The following SAMD12 variants were observed in gnomAD, a reference collection of about 807,000 sequenced individuals.
SAMD12 encodes the protein sterile alpha motif domain containing 12.
A neutral mutation model predicts 15.0 loss-of-function variants in SAMD12; 9 were observed. That is an observed-to-expected ratio of 0.60 (90% CI 0.36 to 1.05). The LOEUF (loss-of-function observed/expected upper bound fraction) is 1.05. Among genes scored for constraint, SAMD12 ranks in the 50% least tolerant of loss-of-function variants. The pLI is 0.01. For missense variants in SAMD12, 230 were observed against 234.2 expected (o/e 0.98, Z 0.12); for synonymous variants, 86 against 90.1 (o/e 0.96, Z 0.25).
chr8:118,288,289 T>A lies in SAMD12; in HGVS notation c.434-90557A>T, dbSNP rs535900079. ...TGAAATAACATGCCAAAGGTCACAG[T>A]GTCTAGTGGAGCTGGGGCCAAATTC... is the stretch of plus-strand genomic sequence containing the variant. On this transcript the variant is annotated intron_variant, in intron 4 of 4. Transcript: ENST00000409003. The A allele has an allele frequency of 7.2e-5, 11 of 152,286 alleles. No individual in the cohort carries two copies. The East Asian group carries it at 1.4e-3, about 19-fold the overall frequency. The allele number at this position is 152,286 out of a possible 1,614,324, so 9.4% of individuals were successfully genotyped here. A position where few individuals can be genotyped will look rare whatever the true frequency, so the allele number is the denominator to read the frequency against.
At chr8:118,282,411 C>A in intron 4 of SAMD12, 1 of 453,578 alleles carries the variant, frequency 2.2e-6, no homozygotes, top group South Asian at 1.6e-5. Flanking sequence ...CCTGCCTATT[C>A]CTTCTGCAGT....
the SAMD12 span, among the ~76,000 whole-genome samples, chr8:118,144,992 G>A: frequency 5.9e-4 from 90 of 152,314 alleles, no homozygotes; most frequent in Non-Finnish European, 1.2e-3. Flanking sequence ...AAGTTAGCTA[G>A]CTAGATATTT....
exon 5 of SAMD12, chr8:118,197,471 C>T (rs950462586): frequency 5.1e-6 from 3 of 584,564 alleles, no homozygotes; most frequent in Non-Finnish European, 9.1e-6. Flanking sequence ...TAATGGTCTG[C>T]CAATGACCAC....
chr8:118,355,315 T>A (rs1339766787), intron 4 of SAMD12, among the ~76,000 whole-genome samples: 3 of 152,190 alleles, frequency 2.0e-5, no homozygotes, highest in African/African-American at 2.4e-5. Flanking sequence ...ATGTTCTCAC[T>A]CATAAGTGGG....
At chr8:118,342,814 G>T (rs1817439409) in intron 4 of SAMD12, among the ~76,000 whole-genome samples, 1 of 152,142 alleles carries the variant, frequency 6.6e-6, no homozygotes, top group Non-Finnish European at 1.5e-5. Context: ...GCCATGTACT[G>T]CATTGCTGGT....
chr8:118,367,584 T>C, intron 4 of SAMD12, among the ~76,000 whole-genome samples: 1 of 152,156 alleles, frequency 6.6e-6, no homozygotes. Context: ...ATATCACATA[T>C]ATTGTTTCAC....
In SAMD12 at chr8:118,598,222, C is replaced by T. The variant is rs115124409; in HGVS notation, c.14-17329G>A. ...GTTATGAACAGAATTGTGTTTCTCC[C>T]GACCCCTAAAAATTCATATGCTGAA... On this transcript the variant is annotated intron_variant, in intron 1 of 3. Coordinates refer to ENST00000314727, the MANE Select transcript of SAMD12 (RefSeq NM_207506.3). Among the ~76,000 whole-genome samples, 801 of 152,252 alleles carry T rather than the reference C, an allele frequency of 5.3e-3. 6 individuals are homozygous for T. Among genetic ancestry groups the T allele is most frequent in the African/African-American group, 0.018 (761 of 41,534 alleles).
At chr8:118,535,149 T>C (rs1825802500) in intron 2 of SAMD12, among the ~76,000 whole-genome samples, 1 of 152,246 alleles carries the variant, frequency 6.6e-6, no homozygotes, top group African/African-American at 2.4e-5. Flanking sequence ...TTTCTGTTTG[T>C]TAGTTTTCCT....
chr8:118,333,862 CTGTG>C (rs145282821), intron 4 of SAMD12, among the ~76,000 whole-genome samples: 1 of 141,342 alleles, frequency 7.1e-6, no homozygotes, highest in South Asian at 2.3e-4. Context: ...GGGGGTATGT[CTGTG>C]TGTGTGTGTG....
At chr8:118,226,712 A>C (rs1812197367) in intron 4 of SAMD12, among the ~76,000 whole-genome samples, 2 of 152,196 alleles carry the variant, frequency 1.3e-5, no homozygotes, top group Admixed American at 1.3e-4. Flanking sequence ...AATAATTAGA[A>C]TCCAGTAAAC....
chr8:118,330,745 G>A (rs1473819736), intron 4 of SAMD12, among the ~76,000 whole-genome samples: 1 of 152,150 alleles, frequency 6.6e-6, no homozygotes, highest in East Asian at 1.9e-4. Context: ...CAGTAAAGAG[G>A]AGAATCATCC....
chr8:118,492,858 T>G (rs1475636034), intron 2 of SAMD12, among the ~76,000 whole-genome samples: 2 of 152,166 alleles, frequency 1.3e-5, no homozygotes, highest in Non-Finnish European at 2.9e-5. Flanking sequence ...TTATAAAAAT[T>G]ACTTCCCTTA....
chr8:118,523,750 A>G (rs923539473), intron 2 of SAMD12, among the ~76,000 whole-genome samples: 2 of 152,032 alleles, frequency 1.3e-5, no homozygotes, highest in African/African-American at 4.8e-5. Context: ...TCCTACTCCA[A>G]TCACTCATGG....
chr8:118,455,521 A>G (rs139068340), intron 2 of SAMD12, among the ~76,000 whole-genome samples: 2 of 152,052 alleles, frequency 1.3e-5, no homozygotes, highest in African/African-American at 2.4e-5. Context: ...TTCACTTCCT[A>G]TCTGTACTCT....
intron 3 of SAMD12, among the ~76,000 whole-genome samples, chr8:118,422,439 G>A (rs1385635836): frequency 6.7e-6 from 1 of 148,548 alleles, no homozygotes; most frequent in Non-Finnish European, 1.5e-5. Context: ...AGAGAGGGTA[G>A]GGAGGAGGGG....
the SAMD12 span, among the ~76,000 whole-genome samples, chr8:118,165,620 A>ATG: frequency 1.8e-4 from 24 of 132,298 alleles, no homozygotes; most frequent in African/African-American, 7.0e-4. Flanking sequence ...ATATGTATAT[A>ATG]TATATATATA....
At chr8:118,359,693 C>T (rs1294053323) in intron 4 of SAMD12, among the ~76,000 whole-genome samples, 1 of 152,132 alleles carries the variant, frequency 6.6e-6, no homozygotes, top group Non-Finnish European at 1.5e-5. Flanking sequence ...GCTGTTTGAT[C>T]TGCAGAAGAA....
At chr8:118,375,198 T>G (rs893517970), downstream of SAMD12, among the ~76,000 whole-genome samples, 4 of 152,122 alleles carry the variant, frequency 2.6e-5, no homozygotes, top group African/African-American at 9.6e-5. Flanking sequence ...AACAACCACC[T>G]GGAGATGGAA....
chr8:118,281,469 G>C (rs1563729083), intron 4 of SAMD12, among the ~76,000 whole-genome samples: 2 of 152,172 alleles, frequency 1.3e-5, no homozygotes, highest in Non-Finnish European at 2.9e-5. Context: ...CTCCAGAACA[G>C]GTATACAATC....
Sources: allele counts gnomAD v4.1 joint callset (sites outside exome capture counted in the v4.1 genomes callset), GRCh38; gene constraint gnomAD v4.1.1; transcripts MANE v1.5; gene names NCBI Gene and HGNC (gene_info 2026-07-23, HGNC 2026-07-21).